The following BRI3BP variants were observed in gnomAD, a reference collection of about 807,000 sequenced individuals.
BRI3BP encodes the protein BRI3 binding protein.
BRI3BP carries 7 observed loss-of-function variants against 15.8 expected under a neutral mutation model. The observed-to-expected ratio is 0.44, with a 90% CI of 0.25 to 0.83. The LOEUF (loss-of-function observed/expected upper bound fraction) is 0.83, where lower values mean the gene tolerates loss of function less well. BRI3BP is among the 40% of genes least tolerant of loss of function. The pLI, the probability that BRI3BP is intolerant of heterozygous loss-of-function variation, is 0.20. For synonymous variants in BRI3BP, 192 were observed against 163.5 expected (o/e 1.17, Z -1.33); for missense variants, 320 against 339.3 (o/e 0.94, Z 0.45).
chr12:125,013,511 T>G (rs998751931), intron 2 of BRI3BP, among the ~76,000 whole-genome samples: 1 of 152,174 alleles, frequency 6.6e-6, no homozygotes, highest in African/African-American at 2.4e-5. Flanking sequence ...CTGCAACACT[T>G]CACTTAATTT....
chr12:125,045,360 C>T, the BRI3BP span, among the ~76,000 whole-genome samples: 4 of 151,784 alleles, frequency 2.6e-5, no homozygotes, highest in African/African-American at 9.7e-5. Flanking sequence ...TTTTTTTGGA[C>T]GGAGTCTCAC....
chr12:125,019,635 C>CTTTTTTTTTTTTTTTTTTTTTT (rs1205730966), intron 2 of BRI3BP, among the ~76,000 whole-genome samples: 1 of 33,058 alleles, frequency 3.0e-5, no homozygotes, highest in Non-Finnish European at 7.3e-5. Context: ...TAATTCCACC[C>CTTTTTTTTTTTTTTTTTTTTTT]TTTTTTTTTT....
At chr12:124,997,586 G>A (rs1052567831) in intron 1 of BRI3BP, among the ~76,000 whole-genome samples, 7 of 152,074 alleles carry the variant, frequency 4.6e-5, no homozygotes, top group Admixed American at 3.9e-4. Context: ...AGATTGGTTG[G>A]GCTGCACAAT....
chr12:125,031,342 G>C (rs1003945146), downstream of BRI3BP: 1 of 152,108 alleles, frequency 6.6e-6, no homozygotes, highest in Non-Finnish European at 1.5e-5. Flanking sequence ...TGGAGGTAAG[G>C]TTGCAAGATA....
chr12:125,037,251 T>C, the BRI3BP span, among the ~76,000 whole-genome samples: 1 of 151,856 alleles, frequency 6.6e-6, no homozygotes, highest in African/African-American at 2.4e-5. Context: ...AGAGACAGGG[T>C]TTCACCATGT....
intron 1 of BRI3BP, among the ~76,000 whole-genome samples, chr12:124,995,516 GTTAT>G (rs1412578533): frequency 6.6e-6 from 1 of 152,190 alleles, no homozygotes; most frequent in African/African-American, 2.4e-5. Context: ...AATACGAGTG[GTTAT>G]TTAAGACTTT....
intron 1 of BRI3BP, among the ~76,000 whole-genome samples, chr12:125,001,655 C>T (rs1188033584): frequency 2.0e-5 from 3 of 152,168 alleles, no homozygotes; most frequent in Non-Finnish European, 4.4e-5. Context: ...GGATTATAGG[C>T]GTGAGCCACT....
the BRI3BP span, among the ~76,000 whole-genome samples, chr12:125,044,748 C>G: frequency 1.3e-5 from 2 of 152,032 alleles, no homozygotes; most frequent in Non-Finnish European, 2.9e-5. Flanking sequence ...CCGCACCTGT[C>G]CCAGGCAGAT....
chr12:124,999,093 CAA>C (rs1955062369), intron 1 of BRI3BP, among the ~76,000 whole-genome samples: 1 of 152,072 alleles, frequency 6.6e-6, no homozygotes, highest in African/African-American at 2.4e-5. Context: ...AAAAAACAAA[CAA>C]ATGAAAAATT....
chr12:125,003,013 T>C (rs993111521), intron 1 of BRI3BP, among the ~76,000 whole-genome samples: 1 of 152,246 alleles, frequency 6.6e-6, no homozygotes, highest in Non-Finnish European at 1.5e-5. Flanking sequence ...CTGTGGTTCA[T>C]ACGTGGTCTG....
intron 1 of BRI3BP, among the ~76,000 whole-genome samples, chr12:125,004,994 T>C (rs1389556379): frequency 2.6e-5 from 4 of 152,154 alleles, no homozygotes; most frequent in African/African-American, 4.8e-5. Context: ...CACAGTTGCA[T>C]GCCATCACAC....
chr12:124,998,962 C>T (rs35978497), intron 1 of BRI3BP, among the ~76,000 whole-genome samples: 8,335 of 152,056 alleles, frequency 0.055, 388 homozygotes, highest in Admixed American at 0.14. Context: ...CCTGTGGTCC[C>T]AGCTACTTGG....
the BRI3BP span, among the ~76,000 whole-genome samples, chr12:125,040,027 G>A: frequency 1.3e-5 from 2 of 152,108 alleles, no homozygotes; most frequent in African/African-American, 2.4e-5. Context: ...ACTTTGGGAC[G>A]CCAAGGCAGG....
At position 125,027,120 on chromosome 12, in the gene BRI3BP, T is replaced by A. The variant is rs531560368; in HGVS notation, c.*1690T>A. ...CAGACCTGCTACAACCAAGACCTTATGGTCCAGGTCTCAGTTTGGAGAAGA... is the reference window on the plus strand; with the variant it reads ...CAGACCTGCTACAACCAAGACCTTAAGGTCCAGGTCTCAGTTTGGAGAAGA... On this transcript the variant is annotated 3_prime_UTR_variant, in exon 3 of 3. Coordinates refer to ENST00000341446, the MANE Select transcript of BRI3BP (RefSeq NM_080626.6). 3.9e-5 allele frequency: 6 copies of A among 152,312 alleles called. No individual in the cohort carries two copies. The South Asian group carries it at 1.2e-3, about 32-fold the overall frequency. The allele number at this position is 152,312 out of a possible 1,614,324, so 9.4% of individuals were successfully genotyped here.
chr12:125,050,308 C>T, the BRI3BP span, among the ~76,000 whole-genome samples: 1 of 151,696 alleles, frequency 6.6e-6, no homozygotes, highest in Non-Finnish European at 1.5e-5. Flanking sequence ...CGAGATCACG[C>T]CACTGCCCTC....
At chr12:125,041,486 G>C in the BRI3BP span, among the ~76,000 whole-genome samples, 1 of 152,034 alleles carries the variant, frequency 6.6e-6, no homozygotes, top group Non-Finnish European at 1.5e-5. Flanking sequence ...AGCTCTTGGG[G>C]TCCTCAGTAA....
At chr12:125,022,537 A>ATTTT (rs1391143992) in intron 2 of BRI3BP, among the ~76,000 whole-genome samples, 4 of 70,624 alleles carry the variant, frequency 5.7e-5, no homozygotes, top group South Asian at 4.6e-4. Context: ...TTATTTATTT[A>ATTTT]TTTATTTTTT....
rs572040334 is a variant in BRI3BP at position 125,020,792 on chromosome 12, A to G, written c.317-4199A>G. Among the ~76,000 whole-genome samples the G allele has an allele frequency of 5.3e-5, 8 of 152,276 alleles. No individual in the cohort carries two copies. The South Asian group carries it at 8.3e-4, about 16-fold the overall frequency. On this transcript the variant is annotated intron_variant, in intron 2 of 2. Transcript: ENST00000341446. ...CTACTTGGGAGGCTGAGGTGAGAGGATCGCTTGAGCCCAGGAGGTAGAGGT... is the reference window on the plus strand; with the variant it reads ...CTACTTGGGAGGCTGAGGTGAGAGGGTCGCTTGAGCCCAGGAGGTAGAGGT...
intron 1 of BRI3BP, among the ~76,000 whole-genome samples, chr12:125,005,226 G>A (rs1955131159): frequency 6.6e-6 from 1 of 152,150 alleles, no homozygotes. Context: ...GATGGGTTTT[G>A]GGGAGGAAGA....
Sources: allele counts gnomAD v4.1 joint callset (sites outside exome capture counted in the v4.1 genomes callset), GRCh38; gene constraint gnomAD v4.1.1; transcripts MANE v1.5; gene names NCBI Gene and HGNC (gene_info 2026-07-23, HGNC 2026-07-21).